DHX35: variants seen among roughly 807,000 people sequenced by gnomAD.
The protein encoded by DHX35 is probable ATP-dependent RNA helicase DHX35.
In DHX35, 84 loss-of-function variants were observed where a neutral mutation model predicts 99.6. That is an observed-to-expected ratio of 0.84 (90% CI 0.71 to 1.01). The LOEUF (loss-of-function observed/expected upper bound fraction) is 1.01, where lower values mean the gene tolerates loss of function less well. Among genes scored for constraint, DHX35 ranks in the 50% least tolerant of loss-of-function variants. DHX35 has a pLI of 0.00. For synonymous variants in DHX35, 331 were observed against 316.2 expected, an observed-to-expected ratio of 1.05 and a Z score of -0.50; for missense variants, 852 against 888.5, an observed-to-expected ratio of 0.96 and a Z score of 0.52.
chr20:39,018,714 G>A, intron 14 of DHX35, 90 bp from the exon 15 acceptor site: 3 of 1,254,076 alleles, frequency 2.4e-6, no homozygotes, highest in Middle Eastern at 1.9e-4. Flanking sequence ...CTTCTTTTTA[G>A]CATACATTAT....
intron 4 of DHX35, among the ~76,000 whole-genome samples, chr20:38,983,981 C>T (rs2086213341): frequency 6.6e-6 from 1 of 152,216 alleles, no homozygotes; most frequent in Non-Finnish European, 1.5e-5. Context: ...GCTATCTCAA[C>T]TCACTGCAAC....
intron 2 of DHX35, 62 bp from the exon 3 acceptor site, chr20:38,972,497 T>C (rs2086017611): frequency 1.6e-5 from 16 of 1,027,462 alleles, no homozygotes; most frequent in Non-Finnish European, 2.1e-5. Flanking sequence ...TGTTTAAATA[T>C]CGTTGTTTAG....
At chr20:39,038,061 A>T (rs1187931565) in intron 21 of DHX35, among the ~76,000 whole-genome samples, 1 of 152,108 alleles carries the variant, frequency 6.6e-6, no homozygotes, top group Non-Finnish European at 1.5e-5. Flanking sequence ...TGGTAAATTG[A>T]CTTCCTTGGT....
At chr20:38,975,708 G>T (rs750421193) in intron 3 of DHX35, among the ~76,000 whole-genome samples, 1 of 152,204 alleles carries the variant, frequency 6.6e-6, no homozygotes, top group African/African-American at 2.4e-5. Context: ...CTCATACTGT[G>T]TGGTTATCTT....
intron 6 of DHX35, among the ~76,000 whole-genome samples, chr20:38,991,979 C>T (rs2086345674): frequency 2.0e-5 from 3 of 152,174 alleles, no homozygotes; most frequent in African/African-American, 7.2e-5. Flanking sequence ...CAACTGTAGT[C>T]AGCTACCTCT....
chr20:38,966,008 T>C (rs956716306), intron 1 of DHX35, among the ~76,000 whole-genome samples: 6 of 152,248 alleles, frequency 3.9e-5, no homozygotes, highest in Admixed American at 2.0e-4. Flanking sequence ...ACAGTATTGC[T>C]TTCTGGAATG....
chr20:39,034,476 G>A (rs764998202), intron 21 of DHX35, among the ~76,000 whole-genome samples, 159 bp downstream of exon 21: 58 of 152,278 alleles, frequency 3.8e-4, no homozygotes, highest in Admixed American at 2.8e-3. Flanking sequence ...TTCTGGGAAA[G>A]CACTCTAGCG....
chr20:39,038,317 C>T (rs1005255186), intron 21 of DHX35, among the ~76,000 whole-genome samples, 182 bp from the exon 22 acceptor site: 2 of 152,232 alleles, frequency 1.3e-5, no homozygotes, highest in African/African-American at 2.4e-5. Context: ...GAATTCAGGT[C>T]GGCTTCTTCA....
At chr20:39,037,624 G>A (rs1291954101) in intron 21 of DHX35, among the ~76,000 whole-genome samples, 2 of 152,198 alleles carry the variant, frequency 1.3e-5, no homozygotes, top group Non-Finnish European at 2.9e-5. Context: ...AGCAGTCAGG[G>A]TGGGCATTCT....
chr20:39,015,862 C>A (rs1353195811), intron 14 of DHX35, among the ~76,000 whole-genome samples: 2 of 152,170 alleles, frequency 1.3e-5, no homozygotes, highest in Non-Finnish European at 2.9e-5. Flanking sequence ...TCCCCCTAGT[C>A]CCCCAGCCCA....
At chr20:39,023,234 T>TG (rs765893118) in intron 16 of DHX35, among the ~76,000 whole-genome samples, 3 of 152,156 alleles carry the variant, frequency 2.0e-5, no homozygotes, top group Non-Finnish European at 4.4e-5. Flanking sequence ...CTGAGAGAGG[T>TG]TAAGTAACCA....
chr20:38,987,713 A>G (rs1435085605), intron 4 of DHX35, among the ~76,000 whole-genome samples: 1 of 151,810 alleles, frequency 6.6e-6, no homozygotes, highest in Non-Finnish European at 1.5e-5. Flanking sequence ...TTTATTTGTT[A>G]TGTTTTGATG....
At chr20:38,993,385 G>C (rs1307958154) in intron 7 of DHX35, among the ~76,000 whole-genome samples, 2 of 151,996 alleles carry the variant, frequency 1.3e-5, no homozygotes, top group Admixed American at 1.3e-4. Flanking sequence ...TTGAGACGGA[G>C]TTTTGCCCTT....
chr20:39,007,596 T>G (rs550247945), intron 12 of DHX35, among the ~76,000 whole-genome samples: 1 of 152,284 alleles, frequency 6.6e-6, no homozygotes, highest in South Asian at 2.1e-4. Flanking sequence ...ACCAGGGTGT[T>G]GTTTGAGCCT....
chr20:38,987,481 T>A (rs1162546752), intron 4 of DHX35, among the ~76,000 whole-genome samples: 2 of 152,128 alleles, frequency 1.3e-5, no homozygotes, highest in African/African-American at 4.8e-5. Context: ...TGACCTCAGG[T>A]GATTTGCCTC....
At chr20:39,014,831 T>C (rs2086756970) in intron 13 of DHX35, 49 bp from the exon 14 acceptor site, 1 of 1,608,928 alleles carries the variant, frequency 6.2e-7, no homozygotes, top group East Asian at 2.2e-5. Context: ...CATTTTAATG[T>C]TTGTTGCCCA....
Position 38,972,591 on chromosome 20 carries a change from T to C in DHX35, c.207T>C (p.Asn69=), listed in dbSNP as rs1477959902. The C allele has an allele frequency of 6.2e-7, 1 of 1,612,750 alleles. No individual in the cohort carries two copies. Among genetic ancestry groups the C allele is most frequent in the Non-Finnish European group, 8.5e-7 (1 of 1,178,844 alleles). Residue 69 remains asparagine, a synonymous_variant, in exon 3 of 22, where the codon AAT becomes AAC. Coordinates refer to ENST00000252011, the MANE Select transcript of DHX35 (RefSeq NM_021931.4). ...LRNHILYLIE[N]YQTVVIVGET... is the part of the protein sequence containing the mutation. ...ATCATATTTTATACTTGATAGAAAA[T>C]TATCAGACAGTGGTGATTGTTGGTG...
At chr20:38,979,786 A>G (rs1367817570) in intron 3 of DHX35, among the ~76,000 whole-genome samples, 1 of 151,808 alleles carries the variant, frequency 6.6e-6, no homozygotes, top group African/African-American at 2.4e-5. Context: ...TGGATACTTA[A>G]TAATTTTGAA....
rs1601365031 is a variant in DHX35 at position 38,972,795 on chromosome 20, T to C, written c.267+144T>C. On this transcript the variant is annotated intron_variant, in intron 3 of 21. Transcript: ENST00000252011. ...TTCAACTAGATATTTTTTATTAAAC[T>C]TTTAGGGCTTATAATTTCTTTGGTG... The C allele has an allele frequency of 1.3e-5, 8 of 604,712 alleles. No individual in the cohort carries two copies. The East Asian group carries it at 2.4e-4, about 18-fold the overall frequency. The allele number at this position is 604,712 out of a possible 1,614,324, so 37.5% of individuals were successfully genotyped here. A position where few individuals can be genotyped will look rare whatever the true frequency, so the allele number is the denominator to read the frequency against.
Sources: gnomAD v4.1 joint callset for allele counts (sites outside exome capture counted in the v4.1 genomes callset) on GRCh38, gnomAD v4.1.1 for gene constraint, MANE v1.5 for transcripts, NCBI Gene and HGNC (gene_info 2026-07-23, HGNC 2026-07-21) for gene names.